Variants in SCFD2 observed in about 807,000 individuals in gnomAD.
SCFD2 encodes sec1 family domain-containing protein 2.
SCFD2 carries 54 observed loss-of-function variants against 58.9 expected under a neutral mutation model. The observed-to-expected ratio is 0.92, with a 90% CI of 0.74 to 1.15. SCFD2 has a LOEUF of 1.15. Ranked by LOEUF, SCFD2 falls within the 50% of genes most tolerant of loss-of-function variation. SCFD2 has a pLI of 0.00. For synonymous variants in SCFD2, 321 were observed against 335.9 expected, an observed-to-expected ratio of 0.96 and a Z score of 0.49; for missense variants, 805 against 836.6, an observed-to-expected ratio of 0.96 and a Z score of 0.47.
intron 3 of SCFD2, among the ~76,000 whole-genome samples, chr4:53,285,276 T>TACCTCAACATTTATAAACTC (rs1731630111): frequency 6.6e-6 from 1 of 152,128 alleles, no homozygotes; most frequent in South Asian, 2.1e-4. Context: ...GCAGATAACA[T>TACCTCAACATTTATAAACTC]GGCACATAAT....
At chr4:53,248,853 G>A (rs914480559) in intron 4 of SCFD2, among the ~76,000 whole-genome samples, 1 of 152,156 alleles carries the variant, frequency 6.6e-6, no homozygotes, top group African/African-American at 2.4e-5. Flanking sequence ...CAAAGATGGG[G>A]AAAAAACAGA....
chr4:53,217,353 A>C (rs1728881536), intron 4 of SCFD2, among the ~76,000 whole-genome samples: 1 of 152,242 alleles, frequency 6.6e-6, no homozygotes, highest in Non-Finnish European at 1.5e-5. Context: ...ACATATGTTT[A>C]GGATAGTTAG....
At chr4:53,055,697 T>A (rs534347659) in intron 5 of SCFD2, among the ~76,000 whole-genome samples, 1 of 152,176 alleles carries the variant, frequency 6.6e-6, no homozygotes, top group African/African-American at 2.4e-5. Context: ...CAGAGTCTTA[T>A]GATGGGTACA....
intron 5 of SCFD2, among the ~76,000 whole-genome samples, chr4:52,991,133 G>T (rs1005200411): frequency 1.3e-5 from 2 of 152,078 alleles, no homozygotes; most frequent in Non-Finnish European, 1.5e-5. Context: ...AGGGAAGCTT[G>T]TTTTCAGGTT....
At position 53,210,292 on chromosome 4, in the gene SCFD2, G is replaced by T. The variant is rs1728567745; in HGVS notation, c.1311+63534C>A. 2.0e-5 allele frequency among the ~76,000 whole-genome samples: 3 copies of T among 152,106 alleles called. No individual in the cohort carries two copies. In the South Asian group the frequency reaches 6.2e-4, roughly 32 times the overall value. ...AGAGGCTCAGAAGGGCTTAACACAG[G>T]AGTGTGGCTGGAAAGATTTGTGTAG... On this transcript the variant is annotated intron_variant, in intron 4 of 8. Coordinates refer to ENST00000401642, the MANE Select transcript of SCFD2 (RefSeq NM_152540.4).
chr4:53,085,882 T>C (rs1219500666), intron 5 of SCFD2, among the ~76,000 whole-genome samples: 12 of 152,020 alleles, frequency 7.9e-5, no homozygotes, highest in African/African-American at 2.9e-4. Flanking sequence ...TATGCAAAAA[T>C]CAAATCAAAA....
At chr4:53,052,364 CCT>C (rs1723210006) in intron 5 of SCFD2, among the ~76,000 whole-genome samples, 1 of 152,176 alleles carries the variant, frequency 6.6e-6, no homozygotes, top group Non-Finnish European at 1.5e-5. Context: ...CTTTCCCAGT[CCT>C]CTAAATTAGC....
intron 5 of SCFD2, among the ~76,000 whole-genome samples, chr4:52,954,294 T>G (rs1228903796): frequency 6.6e-6 from 1 of 152,112 alleles, no homozygotes; most frequent in African/African-American, 2.4e-5. Context: ...ACCAGGCCAG[T>G]CTGAGTGCCT....
chr4:53,285,511 GAAGACTGAT>G (rs1423073854), intron 3 of SCFD2, among the ~76,000 whole-genome samples: 3 of 151,956 alleles, frequency 2.0e-5, no homozygotes, highest in African/African-American at 7.2e-5. Context: ...GAAAATTTAA[GAAGACTGAT>G]AAGAAAGATG....
intron 8 of SCFD2, among the ~76,000 whole-genome samples, chr4:52,875,436 C>T (rs1718447789): frequency 9.5e-6 from 1 of 105,092 alleles, no homozygotes; most frequent in Admixed American, 1.0e-4. Flanking sequence ...TGTCCTAGAG[C>T]CTGAATTCCA....
intron 4 of SCFD2, among the ~76,000 whole-genome samples, chr4:53,225,279 T>C (rs975797708): frequency 6.6e-6 from 1 of 152,200 alleles, no homozygotes; most frequent in African/African-American, 2.4e-5. Context: ...CACTAATTAT[T>C]ATTTGATAAT....
chr4:52,960,653 G>A (rs1720825067), intron 5 of SCFD2, among the ~76,000 whole-genome samples: 1 of 152,050 alleles, frequency 6.6e-6, no homozygotes, highest in African/African-American at 2.4e-5. Context: ...ACAGGCGTGA[G>A]CCACCGTGCC....
At chr4:53,355,740 C>T (rs970775503) in intron 1 of SCFD2, among the ~76,000 whole-genome samples, 28 of 152,196 alleles carry the variant, frequency 1.8e-4, no homozygotes, top group African/African-American at 6.5e-4. Flanking sequence ...TTCCCTCTTG[C>T]TCACAACACT....
chr4:53,295,473 T>C (rs1731994598), intron 3 of SCFD2, among the ~76,000 whole-genome samples: 1 of 152,234 alleles, frequency 6.6e-6, no homozygotes, highest in African/African-American at 2.4e-5. Context: ...CTTGTGATTT[T>C]TGCAGATTGA....
At chr4:53,020,307 G>A (rs1234571308) in intron 5 of SCFD2, among the ~76,000 whole-genome samples, 2 of 152,178 alleles carry the variant, frequency 1.3e-5, no homozygotes, top group African/African-American at 2.4e-5. Flanking sequence ...GATCTAGAGT[G>A]GATGTGGAAA....
intron 5 of SCFD2, among the ~76,000 whole-genome samples, chr4:53,072,065 T>C (rs563582620): frequency 3.9e-4 from 59 of 152,218 alleles, no homozygotes; most frequent in Middle Eastern, 6.8e-3. Flanking sequence ...ATAACAACTT[T>C]ACAACTAGAG....
chr4:53,018,755 C>T (rs1722275633), intron 5 of SCFD2, among the ~76,000 whole-genome samples: 1 of 152,132 alleles, frequency 6.6e-6, no homozygotes, highest in Non-Finnish European at 1.5e-5. Context: ...AAACTTACGC[C>T]AGCCTGACCT....
intron 5 of SCFD2, among the ~76,000 whole-genome samples, chr4:52,970,913 G>C (rs1049793379): frequency 5.3e-5 from 8 of 152,184 alleles, no homozygotes; most frequent in African/African-American, 1.7e-4. Context: ...ACAGGGTCTA[G>C]AGTGGAACTC....
At chr4:53,328,190 A>G (rs984449928) in intron 2 of SCFD2, among the ~76,000 whole-genome samples, 4 of 150,674 alleles carry the variant, frequency 2.7e-5, no homozygotes, top group African/African-American at 7.3e-5. Flanking sequence ...GTGCACATGT[A>G]TGTGTGTGTG....
Sources: allele counts gnomAD v4.1 joint callset (sites outside exome capture counted in the v4.1 genomes callset), GRCh38; gene constraint gnomAD v4.1.1; transcripts MANE v1.5; gene names NCBI Gene and HGNC (gene_info 2026-07-23, HGNC 2026-07-21).